TTC23: variants seen among roughly 807,000 people sequenced by gnomAD.
The protein encoded by TTC23 is tetratricopeptide repeat domain 23, also known as tetratricopeptide repeat protein 23.
A neutral mutation model predicts 55.1 loss-of-function variants in TTC23; 58 were observed. That is an observed-to-expected ratio of 1.05 (90% CI 0.85 to 1.31). TTC23 has a LOEUF of 1.31. Among genes scored for constraint, TTC23 ranks in the 50% most tolerant of loss-of-function variants. The pLI is 0.00. For missense variants in TTC23, 516 were observed against 534.4 expected, an observed-to-expected ratio of 0.97 and a Z score of 0.34; for synonymous variants, 203 against 199.9, an observed-to-expected ratio of 1.02 and a Z score of -0.13.
chr15:99,245,975 C>T (rs866163303), intron 1 of TTC23, among the ~76,000 whole-genome samples: 1 of 152,008 alleles, frequency 6.6e-6, no homozygotes, highest in Non-Finnish European at 1.5e-5. Context: ...CCTACCACCA[C>T]GCCCAGCTAA....
At chr15:99,246,137 C>T (rs1205689475) in intron 1 of TTC23, among the ~76,000 whole-genome samples, 1 of 150,188 alleles carries the variant, frequency 6.7e-6, no homozygotes, top group African/African-American at 2.5e-5. Flanking sequence ...TGAGATATAA[C>T]ACCAAAAGCA....
chr15:99,222,171 T>C (rs1324838399), intron 5 of TTC23, among the ~76,000 whole-genome samples: 1 of 152,212 alleles, frequency 6.6e-6, no homozygotes, highest in East Asian at 1.9e-4. Flanking sequence ...AGTCATTCTC[T>C]AGGTTTCCCA....
intron 10 of TTC23, among the ~76,000 whole-genome samples, chr15:99,170,565 G>A (rs1418219601): frequency 1.3e-5 from 2 of 152,174 alleles, no homozygotes; most frequent in Non-Finnish European, 2.9e-5. Flanking sequence ...AGTGACCAAC[G>A]TCCAGGTCAG....
rs2067683490 is a variant in TTC23, at chr15:99,137,474, C to G, written c.*536G>C. 6.6e-6 allele frequency: 1 copy of G among 152,422 alleles called. No homozygotes were observed. Among genetic ancestry groups the G allele is most frequent in the Non-Finnish European group, 1.5e-5 (1 of 68,174 alleles). 9.4% of individuals were successfully genotyped at this position (152,422 alleles called of 1,614,324 possible). ...CCTCCTACTGGGCTCTTTCTCAAAC[C>G]CCTTTTCAGGCTCCGAAGAACTCTG... On this transcript the variant is annotated 3_prime_UTR_variant, in exon 14 of 14. Transcript: ENST00000394132.
chr15:99,230,706 T>C (rs760538761), intron 4 of TTC23, among the ~76,000 whole-genome samples: 13 of 152,232 alleles, frequency 8.5e-5, no homozygotes, highest in Admixed American at 1.3e-4. Flanking sequence ...TTAAAGATAC[T>C]TCTTATCTTT....
rs144179754 is a variant in TTC23 at position 99,232,254 on chromosome 15, C to T, written c.-21+2734G>A. Reference sequence around the variant, plus strand: ...CAGCACTTTGGGAGGCCAAGGTGAGCGGATCACAAGATCAAGAGATGGAGA... The same window carrying T: ...CAGCACTTTGGGAGGCCAAGGTGAGTGGATCACAAGATCAAGAGATGGAGA... On this transcript the variant is annotated intron_variant, in intron 4 of 13. Coordinates refer to ENST00000394132, the MANE Select transcript of TTC23 (RefSeq NM_001288615.3). Among the ~76,000 whole-genome samples the T allele has an allele frequency of 2.1e-3, 325 of 151,502 alleles. 2 individuals are homozygous for T. Among genetic ancestry groups the T allele is most frequent in the African/African-American group, 6.2e-3 (254 of 41,294 alleles).
At chr15:99,211,702 T>C (rs576211390) in intron 8 of TTC23, among the ~76,000 whole-genome samples, 2 of 152,328 alleles carry the variant, frequency 1.3e-5, no homozygotes, top group East Asian at 3.9e-4. Context: ...AGTAATATCT[T>C]TTTAATCTTC....
At chr15:99,193,259 G>C (rs2075395425) in intron 9 of TTC23, among the ~76,000 whole-genome samples, 1 of 152,160 alleles carries the variant, frequency 6.6e-6, no homozygotes, top group Admixed American at 6.5e-5. Flanking sequence ...GAAGATATTA[G>C]ATTTTGGAGA....
intron 5 of TTC23, among the ~76,000 whole-genome samples, chr15:99,226,066 C>T (rs553410572): frequency 3.9e-5 from 6 of 152,228 alleles, no homozygotes; most frequent in Admixed American, 2.0e-4. Context: ...GTATATATTT[C>T]CAAGATATCA....
chr15:99,175,144 G>C lies in TTC23; in HGVS notation c.771C>G (p.Ile257Met), dbSNP rs368852721. The C allele has an allele frequency of 5.6e-6, 9 of 1,613,838 alleles. No individual in the cohort carries two copies. Among genetic ancestry groups the C allele is most frequent in the Non-Finnish European group, 7.6e-6 (9 of 1,179,874 alleles). ...SINHFLQAHL[I>M]ILSRSPSQVE... Reference sequence around the variant, plus strand: ...CTTGAGAGGGGCTTCTACTCAGGATGATAAGATGTGCCTGTCACCACAGAA... The same window carrying C: ...CTTGAGAGGGGCTTCTACTCAGGATCATAAGATGTGCCTGTCACCACAGAA... Residue 257 changes from isoleucine (I) to methionine (M), a missense_variant, in exon 10 of 14, where the codon ATC becomes ATG. Physicochemically the swap from Ile to Met is conservative, Grantham distance 10. Transcript: ENST00000394132.
At chr15:99,207,365 A>T (rs1233808206) in intron 8 of TTC23, among the ~76,000 whole-genome samples, 1 of 152,244 alleles carries the variant, frequency 6.6e-6, no homozygotes, top group Non-Finnish European at 1.5e-5. Flanking sequence ...ATAGCAAATA[A>T]GCAAAACATG....
At chr15:99,241,628 T>C (rs1435787111) in intron 2 of TTC23, 69 bp from the exon 3 acceptor site, 3 of 152,362 alleles carry the variant, frequency 2.0e-5, no homozygotes, top group African/African-American at 7.2e-5. Context: ...AGGTCTGAAG[T>C]GGAGTCTCAG....
intron 12 of TTC23, among the ~76,000 whole-genome samples, chr15:99,150,983 G>GT (rs552195223): frequency 7.3e-5 from 11 of 150,584 alleles, no homozygotes; most frequent in African/African-American, 1.7e-4. Flanking sequence ...AGCCTATACT[G>GT]TTTTTTTTTC....
chr15:99,204,861 C>A (rs1258881661), intron 8 of TTC23, among the ~76,000 whole-genome samples: 1 of 151,990 alleles, frequency 6.6e-6, no homozygotes, highest in Non-Finnish European at 1.5e-5. Context: ...GTCTTGAACT[C>A]CTGTGCTCAA....
At chr15:99,223,340 G>A (rs1256724223) in intron 5 of TTC23, among the ~76,000 whole-genome samples, 7 of 152,182 alleles carry the variant, frequency 4.6e-5, no homozygotes, top group South Asian at 2.1e-4. Context: ...ATTTAAGTTC[G>A]AAGGAGGTGT....
chr15:99,238,052 G>A (rs2079470598), intron 3 of TTC23, among the ~76,000 whole-genome samples: 2 of 152,040 alleles, frequency 1.3e-5, no homozygotes, highest in African/African-American at 2.4e-5. Context: ...TGCAACCTCC[G>A]CCTTCCAGGT....
At chr15:99,240,887 T>A (rs1023304793) in intron 3 of TTC23, among the ~76,000 whole-genome samples, 5 of 152,180 alleles carry the variant, frequency 3.3e-5, no homozygotes, top group Non-Finnish European at 7.3e-5. Context: ...CCAAAAAAAA[T>A]GTACGTCTCT....
chr15:99,179,455 G>A (rs2073915361), intron 9 of TTC23, among the ~76,000 whole-genome samples: 1 of 152,190 alleles, frequency 6.6e-6, no homozygotes, highest in Non-Finnish European at 1.5e-5. Context: ...TGCATTAATT[G>A]AGATGGTAAA....
At chr15:99,247,077 C>T (rs1397633479) in intron 1 of TTC23, among the ~76,000 whole-genome samples, 2 of 152,154 alleles carry the variant, frequency 1.3e-5, no homozygotes, top group South Asian at 2.1e-4. Flanking sequence ...TGCTTCATAT[C>T]GTCAGTCATC....
Sources: allele counts gnomAD v4.1 joint callset (sites outside exome capture counted in the v4.1 genomes callset), GRCh38; gene constraint gnomAD v4.1.1; transcripts MANE v1.5; gene names NCBI Gene and HGNC (gene_info 2026-07-23, HGNC 2026-07-21).